ZMIZ1: variants seen among roughly 807,000 people sequenced by gnomAD.
ZMIZ1 encodes zinc finger MIZ domain-containing protein 1.
ZMIZ1 carries 17 observed loss-of-function variants against 113.9 expected under a neutral mutation model. That is an observed-to-expected ratio of 0.15 (90% CI 0.10 to 0.22). ZMIZ1 has a LOEUF of 0.22. ZMIZ1 is among the 10% of genes least tolerant of loss of function. ZMIZ1 has a pLI of 1.00. For missense variants in ZMIZ1, 1,059 were observed against 1,477.8 expected (o/e 0.72, Z 4.65); for synonymous variants, 607 against 603.1 (o/e 1.01, Z -0.09).
chr10:79,149,686 G>C (rs1845632906), intron 3 of ZMIZ1, among the ~76,000 whole-genome samples: 1 of 152,212 alleles, frequency 6.6e-6, no homozygotes, highest in Non-Finnish European at 1.5e-5. Context: ...TGGCCCCGTG[G>C]GGTGGCACGC....
chr10:79,199,739 GT>G (rs763283555), intron 4 of ZMIZ1, among the ~76,000 whole-genome samples: 1 of 152,220 alleles, frequency 6.6e-6, no homozygotes, highest in Admixed American at 6.5e-5. Context: ...TGGGGACGGG[GT>G]CTGGACCCAG....
intron 7 of ZMIZ1, among the ~76,000 whole-genome samples, chr10:79,245,643 T>C (rs1281187886): frequency 2.0e-5 from 3 of 152,064 alleles, no homozygotes; most frequent in Non-Finnish European, 1.5e-5. Flanking sequence ...GTCAGGCAGC[T>C]AGAGGGAGAA....
chr10:79,080,080 G>A (rs1198058324), intron 1 of ZMIZ1, among the ~76,000 whole-genome samples: 3 of 152,268 alleles, frequency 2.0e-5, no homozygotes, highest in Non-Finnish European at 2.9e-5. Context: ...GCCGCTGGCC[G>A]GCCACTCTGT....
At chr10:79,257,196 C>T (rs561974436) in intron 7 of ZMIZ1, among the ~76,000 whole-genome samples, 1 of 152,362 alleles carries the variant, frequency 6.6e-6, no homozygotes, top group African/African-American at 2.4e-5. Context: ...GGGTGGGTCC[C>T]TAGTGAGGGG....
intron 7 of ZMIZ1, among the ~76,000 whole-genome samples, chr10:79,217,433 A>G (rs1255654817): frequency 6.6e-6 from 1 of 152,234 alleles, no homozygotes; most frequent in Non-Finnish European, 1.5e-5. Flanking sequence ...TCAAAAAAAA[A>G]GAAAGAAAGA....
chr10:79,074,013 C>T (rs1030939884), intron 1 of ZMIZ1, among the ~76,000 whole-genome samples: 1 of 152,182 alleles, frequency 6.6e-6, no homozygotes, highest in African/African-American at 2.4e-5. Context: ...CAGCTGGCTG[C>T]CTGCCACGGG....
intron 7 of ZMIZ1, among the ~76,000 whole-genome samples, chr10:79,216,640 G>T (rs1165550352): frequency 6.6e-6 from 1 of 152,182 alleles, no homozygotes; most frequent in Non-Finnish European, 1.5e-5. Context: ...GGAAACTGAG[G>T]CTCACAAACA....
chr10:79,215,161 C>T (rs980042825), intron 6 of ZMIZ1, among the ~76,000 whole-genome samples: 8 of 152,152 alleles, frequency 5.3e-5, no homozygotes, highest in South Asian at 2.1e-4. Context: ...GGGAGTCCTG[C>T]GGTTTCTAGC....
At chr10:79,306,569 T>C (rs1854714648) in intron 22 of ZMIZ1, among the ~76,000 whole-genome samples, 1 of 152,204 alleles carries the variant, frequency 6.6e-6, no homozygotes, top group South Asian at 2.1e-4. Flanking sequence ...CTGCTGCCTC[T>C]TCCCTCCCAC....
chr10:79,221,281 T>C (rs1014392872), intron 7 of ZMIZ1, among the ~76,000 whole-genome samples: 4 of 149,700 alleles, frequency 2.7e-5, no homozygotes, highest in Non-Finnish European at 6.0e-5. Flanking sequence ...TGTGTGTGTG[T>C]GCGTGTGTGT....
chr10:79,075,260 C>G (rs967914543), intron 1 of ZMIZ1, among the ~76,000 whole-genome samples: 18 of 152,206 alleles, frequency 1.2e-4, no homozygotes, highest in African/African-American at 4.3e-4. Flanking sequence ...TCACCCAGCT[C>G]AAACCCTTCA....
chr10:79,209,306 G>T (rs532908854), intron 6 of ZMIZ1, among the ~76,000 whole-genome samples: 3 of 152,234 alleles, frequency 2.0e-5, no homozygotes, highest in Non-Finnish European at 4.4e-5. Flanking sequence ...GGTCGAGGCT[G>T]CAAGCTGGGC....
chr10:79,270,837 G>C (rs1306642538), intron 7 of ZMIZ1, among the ~76,000 whole-genome samples: 1 of 152,124 alleles, frequency 6.6e-6, no homozygotes, highest in African/African-American at 2.4e-5. Flanking sequence ...TCTGGGTCTT[G>C]GGCTGTTCTG....
At position 79,108,184 on chromosome 10, in the gene ZMIZ1, T is replaced by G. The variant is rs575961951; in HGVS notation, c.-336-10731T>G. Among the ~76,000 whole-genome samples the G allele has an allele frequency of 3.9e-4, 59 of 152,310 alleles. No homozygotes were observed. The South Asian group carries it at 0.012, about 31-fold the overall frequency. On this transcript the variant is annotated intron_variant, in intron 1 of 24. Coordinates refer to ENST00000334512, the MANE Select transcript of ZMIZ1 (RefSeq NM_020338.4). ...ATGGTTGTATTATTAATAGTCATAA[T>G]TAATCAGCATCCACAGAGGAGCTTT... is the stretch of plus-strand genomic sequence containing the variant.
At chr10:79,171,206 A>G (rs1353718788) in intron 4 of ZMIZ1, among the ~76,000 whole-genome samples, 1 of 152,250 alleles carries the variant, frequency 6.6e-6, no homozygotes, top group Non-Finnish European at 1.5e-5. Context: ...GCAGAGGTGA[A>G]AAAGCTGGCC....
chr10:79,311,247 A>T (rs1437463131), intron 24 of ZMIZ1, 63 bp downstream of exon 24: 6 of 1,285,728 alleles, frequency 4.7e-6, no homozygotes, highest in Non-Finnish European at 6.1e-6. Flanking sequence ...CCTGCCCGAG[A>T]GAAGGGGTGG....
chr10:79,303,257 C>T (rs1445131641), intron 18 of ZMIZ1, among the ~76,000 whole-genome samples: 1 of 151,850 alleles, frequency 6.6e-6, no homozygotes, highest in Admixed American at 6.5e-5. Context: ...GAATTCAAGA[C>T]TAGCCTGGCC....
At chr10:79,074,832 C>T (rs1404984493) in intron 1 of ZMIZ1, among the ~76,000 whole-genome samples, 1 of 152,248 alleles carries the variant, frequency 6.6e-6, no homozygotes, top group Non-Finnish European at 1.5e-5. Context: ...GCTGAGCTGG[C>T]ACCTCCCCAG....
intron 2 of ZMIZ1, among the ~76,000 whole-genome samples, chr10:79,124,193 C>T (rs1230699161): frequency 6.6e-6 from 1 of 152,204 alleles, no homozygotes; most frequent in African/African-American, 2.4e-5. Context: ...GCTGTGTGAC[C>T]TTGGACAAGT....
Sources: gnomAD v4.1 joint callset for allele counts (sites outside exome capture counted in the v4.1 genomes callset) on GRCh38, gnomAD v4.1.1 for gene constraint, MANE v1.5 for transcripts, NCBI Gene and HGNC (gene_info 2026-07-23, HGNC 2026-07-21) for gene names.